MSH3: variants seen among roughly 807,000 people sequenced by gnomAD.
MSH3 encodes the protein mutS homolog 3, also known as DNA mismatch repair protein Msh3.
A neutral mutation model predicts 123.3 loss-of-function variants in MSH3; 106 were observed. The observed-to-expected ratio is 0.86, with a 90% CI of 0.73 to 1.01. MSH3 has a LOEUF of 1.01. Among genes scored for constraint, MSH3 ranks in the 50% least tolerant of loss-of-function variants. The pLI is 0.00. For missense variants in MSH3, 1,459 were observed against 1,347.6 expected, an observed-to-expected ratio of 1.08 and a Z score of -1.29; for synonymous variants, 515 against 481.4, an observed-to-expected ratio of 1.07 and a Z score of -0.91.
At chr5:80,780,660 A>C (rs897916448) in intron 17 of MSH3, among the ~76,000 whole-genome samples, 5 of 152,220 alleles carry the variant, frequency 3.3e-5, no homozygotes, top group African/African-American at 1.2e-4. Context: ...TGAGGCCAAG[A>C]ATTCAAGACC....
chr5:80,868,649 G>A (rs746207951), intron 22 of MSH3, among the ~76,000 whole-genome samples: 21 of 145,830 alleles, frequency 1.4e-4, no homozygotes, highest in Middle Eastern at 3.4e-3. Flanking sequence ...AGAGGATCAG[G>A]AAGAATAACT....
chr5:80,658,922 A>G (rs1377410508), intron 2 of MSH3, among the ~76,000 whole-genome samples: 3 of 152,020 alleles, frequency 2.0e-5, no homozygotes, highest in African/African-American at 7.3e-5. Context: ...TTTTTTTCTA[A>G]TAACAGAATT....
intron 10 of MSH3, 57 bp from the exon 11 acceptor site, chr5:80,741,407 G>GT: frequency 1.7e-6 from 2 of 1,154,830 alleles, no homozygotes; most frequent in Admixed American, 1.7e-5. Context: ...TCCTGAATTA[G>GT]TTTTTTATTT....
chr5:80,745,187 G>A (rs1393756642), intron 12 of MSH3, among the ~76,000 whole-genome samples: 3 of 152,272 alleles, frequency 2.0e-5, no homozygotes, highest in African/African-American at 7.2e-5. Context: ...CTGCACATCG[G>A]AATCACCTGG....
chr5:80,780,900 C>G (rs889376898), intron 17 of MSH3, among the ~76,000 whole-genome samples: 1 of 151,974 alleles, frequency 6.6e-6, no homozygotes, highest in Non-Finnish European at 1.5e-5. Flanking sequence ...AGTAAAAATT[C>G]AGTGACGTCC....
intron 10 of MSH3, among the ~76,000 whole-genome samples, chr5:80,729,775 T>C (rs1211825091): frequency 6.6e-6 from 1 of 152,144 alleles, no homozygotes; most frequent in Non-Finnish European, 1.5e-5. Context: ...ACCATTGGAA[T>C]AGAAAAAAGT....
chr5:80,745,536 T>C (rs576559375), intron 12 of MSH3, among the ~76,000 whole-genome samples: 86 of 152,328 alleles, frequency 5.6e-4, no homozygotes, highest in African/African-American at 1.9e-3. Flanking sequence ...ATATAAGATT[T>C]AAAACCAGCA....
chr5:80,868,630 G>A (rs1580101060), intron 22 of MSH3, among the ~76,000 whole-genome samples: 2 of 142,672 alleles, frequency 1.4e-5, no homozygotes, highest in South Asian at 4.9e-4. Flanking sequence ...GGGGAGGGTG[G>A]GAGGAGGGAG....
chr5:80,761,826 T>C, intron 13 of MSH3, 148 bp downstream of exon 13: 1 of 910,604 alleles, frequency 1.1e-6, no homozygotes, highest in East Asian at 2.7e-5. Flanking sequence ...TCCTCAGAAA[T>C]TTTAATAGTA....
At chr5:80,827,105 C>A (rs547781747) in intron 20 of MSH3, among the ~76,000 whole-genome samples, 3 of 152,176 alleles carry the variant, frequency 2.0e-5, no homozygotes, top group South Asian at 2.1e-4. Context: ...TCTCATCTAG[C>A]CTTTTAGACT....
chr5:80,867,272 G>C (rs919341307), intron 22 of MSH3, among the ~76,000 whole-genome samples: 3 of 152,144 alleles, frequency 2.0e-5, no homozygotes, highest in Non-Finnish European at 2.9e-5. Flanking sequence ...CTTCCTGCCT[G>C]GCCAGCTTTA....
intron 20 of MSH3, among the ~76,000 whole-genome samples, chr5:80,823,836 CCCTGCGG>C (rs1332835013): frequency 1.3e-5 from 2 of 152,122 alleles, no homozygotes; most frequent in African/African-American, 2.4e-5. Flanking sequence ...AGGCAGAGGA[CCCTGCGG>C]CCTTCCGCAG....
rs935106125 is a variant in MSH3 at position 80,764,906 on chromosome 5, T to C, written c.1897-3027T>C. Among the ~76,000 whole-genome samples, 9 of 152,268 alleles carry C rather than the reference T, an allele frequency of 5.9e-5. No homozygotes were observed. The South Asian group carries it at 6.2e-4, about 11-fold the overall frequency. On this transcript the variant is annotated intron_variant, in intron 13 of 23. Transcript: ENST00000265081. ...GCAGGAATAAGCCCACAGCTGCATGTTCAGTGTGGCACTTAAGCTGGGGTC... is the reference window on the plus strand; with the variant it reads ...GCAGGAATAAGCCCACAGCTGCATGCTCAGTGTGGCACTTAAGCTGGGGTC...
At chr5:80,685,201 C>CTT (rs70991171) in intron 8 of MSH3, among the ~76,000 whole-genome samples, 6 of 107,644 alleles carry the variant, frequency 5.6e-5, no homozygotes, top group Non-Finnish European at 9.3e-5. Context: ...AAGTATTCTC[C>CTT]TTTTTTTTTT....
At chr5:80,771,477 C>CAA (rs61460666) in intron 15 of MSH3, among the ~76,000 whole-genome samples, 1,242 of 99,500 alleles carry the variant, frequency 0.012, 7 homozygotes, top group Middle Eastern at 0.066. Context: ...AACCCTGTCT[C>CAA]AAAAAAAAAA....
chr5:80,807,931 G>A lies in MSH3; in HGVS notation c.2656-5653G>A, dbSNP rs201903284. Among the ~76,000 whole-genome samples the A allele has an allele frequency of 7.9e-5, 12 of 152,266 alleles. No homozygotes were observed. The East Asian group carries it at 2.3e-3, about 29-fold the overall frequency. On this transcript the variant is annotated intron_variant, in intron 19 of 23. Coordinates refer to ENST00000265081, the MANE Select transcript of MSH3 (RefSeq NM_002439.5). ...ATAGGGAGAATGTGCAAACACAGTGGCCAGGCTGGGAATTTTTTTTCCCTT... is the reference window on the plus strand; with the variant it reads ...ATAGGGAGAATGTGCAAACACAGTGACCAGGCTGGGAATTTTTTTTCCCTT...
chr5:80,859,433 A>G (rs916651496), intron 21 of MSH3, among the ~76,000 whole-genome samples: 1 of 152,030 alleles, frequency 6.6e-6, no homozygotes, highest in Non-Finnish European at 1.5e-5. Context: ...GCCCCTCCAT[A>G]TATTTTTAAT....
intron 2 of MSH3, among the ~76,000 whole-genome samples, chr5:80,657,662 A>C (rs920420261): frequency 6.9e-6 from 1 of 145,938 alleles, no homozygotes; most frequent in East Asian, 1.9e-4. Context: ...AAAAAAAAAA[A>C]GTTCCAATTC....
At chr5:80,725,409 G>A in intron 8 of MSH3, 44 bp from the exon 9 acceptor site, 1 of 1,347,884 alleles carries the variant, frequency 7.4e-7, no homozygotes, top group Non-Finnish European at 1.1e-6. Flanking sequence ...AGCATTTCAT[G>A]ATAATGGATA....
Sources: gnomAD v4.1 joint callset for allele counts (sites outside exome capture counted in the v4.1 genomes callset) on GRCh38, gnomAD v4.1.1 for gene constraint, MANE v1.5 for transcripts, NCBI Gene and HGNC (gene_info 2026-07-23, HGNC 2026-07-21) for gene names.